STK32B: variants seen among roughly 807,000 people sequenced by gnomAD.
STK32B encodes serine/threonine-protein kinase 32B.
Under a neutral mutation model 52.6 loss-of-function variants are expected in STK32B, and 43 were observed. The observed-to-expected ratio is 0.82, with a 90% CI of 0.64 to 1.05. The LOEUF is 1.05. Ranked by LOEUF, STK32B falls within the 50% of genes least tolerant of loss-of-function variation. The pLI is 0.00. For missense variants in STK32B, 621 were observed against 534.6 expected, an observed-to-expected ratio of 1.16 and a Z score of -1.59; for synonymous variants, 238 against 204.3, an observed-to-expected ratio of 1.17 and a Z score of -1.41.
rs1201368525 is a variant in STK32B at position 5,489,628 on chromosome 4, A to ATTTTTTTTTTTTTTTTTTTTTTTTTT, written c.1107-9315_1107-9314insTTTTTTTTTTTTTTTTTTTTTTTTTT. Among the ~76,000 whole-genome samples the ATTTTTTTTTTTTTTTTTTTTTTTTTT allele has an allele frequency of 2.6e-5, 4 of 151,654 alleles. No individual in the cohort carries two copies. The East Asian group carries it at 8.0e-4, about 30-fold the overall frequency. ...TTTTATTTTATTTTATTTATTTTTTATTATTTTTTTTGAGATGGAGTCTTG... is the reference window on the plus strand; with the variant it reads ...TTTTATTTTATTTTATTTATTTTTTATTTTTTTTTTTTTTTTTTTTTTTTTTTTATTTTTTTTGAGATGGAGTCTTG... On this transcript the variant is annotated intron_variant, in intron 11 of 11. Coordinates refer to ENST00000282908, the MANE Select transcript of STK32B (RefSeq NM_018401.3).
rs147357867 is a variant in STK32B at position 5,120,347 on chromosome 4, C to G, written c.53-19558C>G. Among the ~76,000 whole-genome samples the G allele has an allele frequency of 1.9e-4, 29 of 152,292 alleles. No homozygotes were observed. The East Asian group carries it at 5.2e-3, about 27-fold the overall frequency. On this transcript the variant is annotated intron_variant, in intron 1 of 11. Transcript: ENST00000282908. Reference sequence around the variant, plus strand: ...TCATCTCATCACGTAGGCATTTTATCATCTCATATTGTCACAAGAAGGGAA... The same window carrying G: ...TCATCTCATCACGTAGGCATTTTATGATCTCATATTGTCACAAGAAGGGAA...
intron 3 of STK32B, among the ~76,000 whole-genome samples, chr4:5,171,053 A>G (rs1252705369): frequency 7.9e-5 from 12 of 152,104 alleles, no homozygotes; most frequent in Non-Finnish European, 1.8e-4. Flanking sequence ...TTCTCTGATG[A>G]CCAGTGATGA....
At position 5,467,882 on chromosome 4, in the gene STK32B, C is replaced by A; in HGVS notation, c.1042-124C>A. 9.2e-7 allele frequency: 1 copy of A among 1,090,654 alleles called. No homozygotes were observed. Among genetic ancestry groups the A allele is most frequent in the Non-Finnish European group, 1.4e-6 (1 of 726,052 alleles). The allele number at this position is 1,090,654 out of a possible 1,614,324, so 67.6% of individuals were successfully genotyped here. A position where few individuals can be genotyped will look rare whatever the true frequency, so the allele number is the denominator to read the frequency against. ...GGTCAGCCCCAGACACTTAGCTTGGCTTGTCCCGGTCCCAAGCATCTGAGG... is the reference window on the plus strand; with the variant it reads ...GGTCAGCCCCAGACACTTAGCTTGGATTGTCCCGGTCCCAAGCATCTGAGG... On this transcript the variant is annotated intron_variant, in intron 10 of 11. Transcript: ENST00000282908. The surrounding 1 kb of genome is among the most constrained non-coding windows in gnomAD (Gnocchi z 5.8).
At chr4:5,207,285 G>C (rs896391193) in intron 3 of STK32B, among the ~76,000 whole-genome samples, 1 of 152,222 alleles carries the variant, frequency 6.6e-6, no homozygotes, top group Non-Finnish European at 1.5e-5. Flanking sequence ...TAATCCCCAT[G>C]TGTCATGAGA....
chr4:5,204,453 A>T (rs1001037138), intron 3 of STK32B, among the ~76,000 whole-genome samples: 8 of 25,102 alleles, frequency 3.2e-4, no homozygotes, highest in African/African-American at 4.5e-4. Context: ...TTTGTTTTTT[A>T]GGTTTTTTTG....
intron 4 of STK32B, among the ~76,000 whole-genome samples, chr4:5,388,239 C>A (rs373889981): frequency 2.9e-4 from 44 of 152,128 alleles, no homozygotes; most frequent in Admixed American, 1.7e-3. Context: ...ATCATTTTGG[C>A]GTCCACTCCT....
At chr4:5,221,870 A>T (rs1243377388) in intron 3 of STK32B, among the ~76,000 whole-genome samples, 1 of 151,950 alleles carries the variant, frequency 6.6e-6, no homozygotes, top group Non-Finnish European at 1.5e-5. Context: ...AAAAAAAAAA[A>T]AAAAAATTCA....
chr4:5,498,612 A>G (rs1027455067), intron 11 of STK32B, among the ~76,000 whole-genome samples: 4 of 152,244 alleles, frequency 2.6e-5, no homozygotes, highest in Non-Finnish European at 5.9e-5. Context: ...AGCTTGGGAA[A>G]TATAAATATA....
intron 4 of STK32B, among the ~76,000 whole-genome samples, chr4:5,388,413 A>T (rs1736392981): frequency 6.6e-6 from 1 of 152,166 alleles, no homozygotes; most frequent in Admixed American, 6.5e-5. Flanking sequence ...CATTTTACAG[A>T]TGAGAACAAC....
chr4:5,022,176 C>T, the STK32B span, among the ~76,000 whole-genome samples: 1 of 152,220 alleles, frequency 6.6e-6, no homozygotes, highest in Non-Finnish European at 1.5e-5. Context: ...TGACTTGCCT[C>T]CTGGCATCTG....
intron 11 of STK32B, among the ~76,000 whole-genome samples, chr4:5,488,791 C>T (rs1236429264): frequency 6.6e-6 from 1 of 152,114 alleles, no homozygotes; most frequent in Non-Finnish European, 1.5e-5. Context: ...TCTTTCTCTC[C>T]TACTTACCAG....
chr4:5,123,339 A>G (rs1715174988), intron 1 of STK32B, among the ~76,000 whole-genome samples: 1 of 152,024 alleles, frequency 6.6e-6, no homozygotes, highest in African/African-American at 2.4e-5. Flanking sequence ...TCTTCCTTGG[A>G]GCCTCATGCA....
intron 9 of STK32B, among the ~76,000 whole-genome samples, chr4:5,463,311 G>T (rs1717176849): frequency 6.7e-6 from 1 of 149,488 alleles, no homozygotes; most frequent in African/African-American, 2.4e-5. Context: ...CCTTCCCTGA[G>T]GCTGTGTGCT....
chr4:5,333,690 C>T (rs1269420099), intron 4 of STK32B, among the ~76,000 whole-genome samples: 1 of 152,166 alleles, frequency 6.6e-6, no homozygotes, highest in Non-Finnish European at 1.5e-5. Flanking sequence ...CAGCTTTCTC[C>T]ATATGGCTAG....
At chr4:5,293,544 T>C (rs67484723) in intron 3 of STK32B, among the ~76,000 whole-genome samples, 20,846 of 152,170 alleles carry the variant, frequency 0.14, 2,874 homozygotes, top group African/African-American at 0.36. Context: ...TGACCAGTGA[T>C]AATGAGCTTT....
At chr4:5,099,456 G>A (rs1713594728) in intron 1 of STK32B, among the ~76,000 whole-genome samples, 1 of 140,348 alleles carries the variant, frequency 7.1e-6, no homozygotes, top group Non-Finnish European at 1.6e-5. Context: ...GTGTGCGCGC[G>A]CGCGTATGTG....
chr4:5,228,649 A>G (rs1429518487), intron 3 of STK32B, among the ~76,000 whole-genome samples: 3 of 152,182 alleles, frequency 2.0e-5, no homozygotes, highest in Non-Finnish European at 4.4e-5. Flanking sequence ...AATCACAATA[A>G]TTCTTTGGTT....
chr4:5,042,015 G>A, the STK32B span, among the ~76,000 whole-genome samples: 4 of 152,160 alleles, frequency 2.6e-5, no homozygotes, highest in Non-Finnish European at 4.4e-5. Flanking sequence ...AGCTTCTACA[G>A]CGTGATCGTG....
chr4:5,409,600 C>A (rs1019241533), intron 5 of STK32B, among the ~76,000 whole-genome samples: 7 of 152,126 alleles, frequency 4.6e-5, no homozygotes, highest in Non-Finnish European at 1.0e-4. Context: ...GCTTTCCATG[C>A]AGCATCAGCT....
Sources: allele counts gnomAD v4.1 joint callset (sites outside exome capture counted in the v4.1 genomes callset), GRCh38; gene constraint gnomAD v4.1.1; non-coding constraint Gnocchi (gnomAD v3.1); transcripts MANE v1.5; gene names NCBI Gene and HGNC (gene_info 2026-07-23, HGNC 2026-07-21).